Variants in UNC5D observed in about 807,000 individuals in gnomAD.
UNC5D encodes the protein netrin receptor UNC5D.
Under a neutral mutation model 105.4 loss-of-function variants are expected in UNC5D, and 39 were observed. The ratio of observed to expected loss-of-function variants is 0.37; its 90% confidence interval spans 0.29 to 0.48. The LOEUF (loss-of-function observed/expected upper bound fraction) is 0.48. Ranked by LOEUF, UNC5D falls within the 20% of genes least tolerant of loss-of-function variation. The pLI, the probability that UNC5D is intolerant of heterozygous loss-of-function variation, is 0.98. For synonymous variants in UNC5D, 452 were observed against 450.4 expected (o/e 1.00, Z -0.04); for missense variants, 991 against 1,202.4 (o/e 0.82, Z 2.60).
intron 1 of UNC5D, among the ~76,000 whole-genome samples, chr8:35,446,977 T>C (rs554345572): frequency 2.4e-4 from 37 of 152,218 alleles, no homozygotes; most frequent in East Asian, 7.7e-4. Context: ...CAGATATTAA[T>C]TAATACCACT....
At chr8:35,462,644 A>T (rs926863657) in intron 1 of UNC5D, among the ~76,000 whole-genome samples, 27 of 152,164 alleles carry the variant, frequency 1.8e-4, no homozygotes, top group African/African-American at 5.5e-4. Context: ...TCTGTACTTT[A>T]TTCTAAATTT....
chr8:35,755,388 G>A (rs1159016930), intron 13 of UNC5D, among the ~76,000 whole-genome samples: 1 of 152,070 alleles, frequency 6.6e-6, no homozygotes, highest in East Asian at 1.9e-4. Flanking sequence ...TCTAGATGTA[G>A]TTCTTGTGTT....
chr8:35,566,711 A>G (rs953826723), intron 2 of UNC5D, among the ~76,000 whole-genome samples: 7 of 152,216 alleles, frequency 4.6e-5, no homozygotes, highest in Admixed American at 1.3e-4. Context: ...GCACTGCCAC[A>G]GAGTACCGTG....
chr8:35,490,254 G>A (rs1440397244), intron 1 of UNC5D, among the ~76,000 whole-genome samples: 1 of 152,188 alleles, frequency 6.6e-6, no homozygotes, highest in African/African-American at 2.4e-5. Context: ...TGTAATCCCA[G>A]CACTTTGGGA....
chr8:35,297,293 G>T (rs1013960140), intron 1 of UNC5D, among the ~76,000 whole-genome samples: 1 of 152,120 alleles, frequency 6.6e-6, no homozygotes, highest in Non-Finnish European at 1.5e-5. Context: ...AATTATTAAA[G>T]ACAACTGTTC....
chr8:35,432,746 A>C (rs1319841826), intron 1 of UNC5D, among the ~76,000 whole-genome samples: 1 of 152,124 alleles, frequency 6.6e-6, no homozygotes, highest in Non-Finnish European at 1.5e-5. Context: ...TGTATTTTTC[A>C]TCTTTGCATG....
chr8:35,363,766 G>T (rs1449204166), intron 1 of UNC5D, among the ~76,000 whole-genome samples: 3 of 151,962 alleles, frequency 2.0e-5, no homozygotes, highest in Admixed American at 6.6e-5. Flanking sequence ...ATATGGTTGT[G>T]CTTTAAGAAC....
intron 15 of UNC5D, among the ~76,000 whole-genome samples, chr8:35,767,577 T>C (rs1235684169): frequency 6.6e-6 from 1 of 152,172 alleles, no homozygotes; most frequent in African/African-American, 2.4e-5. Flanking sequence ...CTCAGAATTC[T>C]GTACATCCAC....
intron 1 of UNC5D, among the ~76,000 whole-genome samples, chr8:35,392,647 A>C (rs887230038): frequency 2.0e-5 from 3 of 152,186 alleles, no homozygotes; most frequent in African/African-American, 7.2e-5. Flanking sequence ...AAGATACTCT[A>C]CCCATTACAA....
intron 1 of UNC5D, among the ~76,000 whole-genome samples, chr8:35,477,122 A>G (rs922033668): frequency 6.6e-6 from 1 of 152,144 alleles, no homozygotes; most frequent in Non-Finnish European, 1.5e-5. Context: ...CTTCTTAGGT[A>G]ATTTTCTTTG....
chr8:35,695,710 ATTATTTATTTATTTATTTATTTAT>A (rs59029374), intron 7 of UNC5D, among the ~76,000 whole-genome samples: 8 of 146,418 alleles, frequency 5.5e-5, no homozygotes, highest in African/African-American at 1.8e-4. Context: ...GTATTTTTAT[ATTATTTATTTATTTATTTATTTAT>A]TTATTTATTT....
intron 3 of UNC5D, among the ~76,000 whole-genome samples, chr8:35,580,058 G>C (rs1364933682): frequency 6.6e-6 from 1 of 152,188 alleles, no homozygotes; most frequent in African/African-American, 2.4e-5. Context: ...TAAGAGAGGA[G>C]TTTGGGGACT....
intron 1 of UNC5D, among the ~76,000 whole-genome samples, chr8:35,450,965 T>TAA (rs1417613860): frequency 2.0e-5 from 3 of 152,130 alleles, no homozygotes; most frequent in Admixed American, 1.3e-4. Context: ...ATTTTCAACT[T>TAA]ACGATATTTT....
intron 1 of UNC5D, among the ~76,000 whole-genome samples, chr8:35,377,548 C>G (rs1039865126): frequency 6.6e-6 from 1 of 152,166 alleles, no homozygotes; most frequent in Non-Finnish European, 1.5e-5. Flanking sequence ...CCTCAGCTTC[C>G]TGCTGAGCAG....
chr8:35,401,236 C>T (rs1399258406), intron 1 of UNC5D, among the ~76,000 whole-genome samples: 1 of 152,096 alleles, frequency 6.6e-6, no homozygotes, highest in Non-Finnish European at 1.5e-5. Flanking sequence ...GTAATCCCAC[C>T]ACTTTGGGAG....
At chr8:35,247,423 T>A (rs925482086) in intron 1 of UNC5D, among the ~76,000 whole-genome samples, 4 of 146,246 alleles carry the variant, frequency 2.7e-5, no homozygotes, top group Non-Finnish European at 5.9e-5. Flanking sequence ...TAAGTCTTAA[T>A]CTTAAGCTTT....
chr8:35,560,948 G>A (rs1439665190), intron 2 of UNC5D, among the ~76,000 whole-genome samples: 6 of 152,114 alleles, frequency 3.9e-5, no homozygotes, highest in Admixed American at 3.9e-4. Context: ...ACAAGAGTGG[G>A]GTAAGACAAG....
At chr8:35,683,937 T>A (rs1254301021) in intron 5 of UNC5D, among the ~76,000 whole-genome samples, 2 of 152,180 alleles carry the variant, frequency 1.3e-5, no homozygotes, top group Non-Finnish European at 2.9e-5. Flanking sequence ...TGCACTTCCA[T>A]GTGATAGTCA....
chr8:35,625,363 T>C (rs745806094), intron 4 of UNC5D, among the ~76,000 whole-genome samples: 4 of 152,240 alleles, frequency 2.6e-5, no homozygotes, highest in African/African-American at 7.2e-5. Context: ...GTTTATTTAC[T>C]ACTGTAGATT....
Sources: allele counts gnomAD v4.1 joint callset (sites outside exome capture counted in the v4.1 genomes callset), GRCh38; gene constraint gnomAD v4.1.1; transcripts MANE v1.5; gene names NCBI Gene and HGNC (gene_info 2026-07-23, HGNC 2026-07-21).